The following L2HGDH variants were observed in gnomAD, a reference collection of about 807,000 sequenced individuals.
L2HGDH encodes the protein L-2-hydroxyglutarate dehydrogenase, mitochondrial.
In L2HGDH, 34 loss-of-function variants were observed where a neutral mutation model predicts 51.5. The observed-to-expected ratio is 0.66, with a 90% CI of 0.50 to 0.88. The LOEUF (loss-of-function observed/expected upper bound fraction) is 0.88, where lower values mean the gene tolerates loss of function less well. L2HGDH is among the 40% of genes least tolerant of loss of function. The pLI is 0.00. For synonymous variants in L2HGDH, 198 were observed against 197.9 expected, an observed-to-expected ratio of 1.00 and a Z score of -0.01; for missense variants, 558 against 571.9, an observed-to-expected ratio of 0.98 and a Z score of 0.25.
chr14:50,245,024 C>G lies in L2HGDH; in HGVS notation c.*2034G>C. 18 of 985,576 alleles carry G rather than the reference C, an allele frequency of 1.8e-5. No homozygotes were observed. Among genetic ancestry groups the G allele is most frequent in the Non-Finnish European group, 2.0e-5 (17 of 829,814 alleles). 61.1% of individuals were successfully genotyped at this position (985,576 alleles called of 1,614,324 possible). A position where few individuals can be genotyped will look rare whatever the true frequency, so the allele number is the denominator to read the frequency against. On this transcript the variant is annotated 3_prime_UTR_variant, in exon 10 of 10. Transcript: ENST00000267436. ...ATTATAAGAATAATTTCGATAGATA[C>G]CACAAAACACATATATACAGGATAT...
intron 2 of L2HGDH, among the ~76,000 whole-genome samples, chr14:50,302,417 G>A (rs957847949): frequency 1.3e-5 from 2 of 152,150 alleles, no homozygotes; most frequent in African/African-American, 4.8e-5. Flanking sequence ...AACCACTTCA[G>A]GGGCCCCCTA....
At chr14:50,300,679 G>A (rs1258277537) in intron 3 of L2HGDH, among the ~76,000 whole-genome samples, 3 of 151,982 alleles carry the variant, frequency 2.0e-5, no homozygotes, top group Non-Finnish European at 4.4e-5. Flanking sequence ...ATAATTTTAG[G>A]CCAGGCACAG....
Position 50,247,377 on chromosome 14 carries a change from A to G in L2HGDH, c.1197-124T>C, listed in dbSNP as rs1888069787. The G allele has an allele frequency of 5.5e-6, 8 of 1,459,182 alleles. No individual in the cohort carries two copies. The East Asian group carries it at 1.5e-4, about 27-fold the overall frequency. 90.4% of individuals were successfully genotyped at this position (1,459,182 alleles called of 1,614,324 possible). A position where few individuals can be genotyped will look rare whatever the true frequency, so the allele number is the denominator to read the frequency against. On this transcript the variant is annotated intron_variant, in intron 9 of 9. Transcript: ENST00000267436. ...AAATGCACAATTATATGGAAACCCA[A>G]TGAGTTTATGTTTAACCAAAGGCTG...
At chr14:50,302,502 C>A (rs370476709) in intron 2 of L2HGDH, among the ~76,000 whole-genome samples, 10 of 152,124 alleles carry the variant, frequency 6.6e-5, no homozygotes, top group African/African-American at 2.4e-4. Context: ...ACATCACTAG[C>A]GGCAATCCTC....
chr14:50,298,707 G>A (rs535080812), intron 3 of L2HGDH, among the ~76,000 whole-genome samples: 4 of 152,118 alleles, frequency 2.6e-5, no homozygotes, highest in African/African-American at 9.6e-5. Context: ...AAACAAACAA[G>A]CAAACAAAAC....
At chr14:50,290,331 G>A (rs982961311) in intron 4 of L2HGDH, among the ~76,000 whole-genome samples, 3 of 152,104 alleles carry the variant, frequency 2.0e-5, no homozygotes, top group Non-Finnish European at 4.4e-5. Context: ...ATTGGAATCA[G>A]ATAATTCAAA....
rs1299580738 is a variant in L2HGDH at position 50,296,829 on chromosome 14, T to C, written c.409-2583A>G. Among the ~76,000 whole-genome samples, 3 of 152,068 alleles carry C rather than the reference T, an allele frequency of 2.0e-5. No homozygotes were observed. The East Asian group carries it at 5.8e-4, about 29-fold the overall frequency. Reference sequence around the variant, plus strand: ...ACCAAAACCAGATATCGTAAGAAATTGCAAACCAATATCCCTTAAAAATAT... The same window carrying C: ...ACCAAAACCAGATATCGTAAGAAATCGCAAACCAATATCCCTTAAAAATAT... On this transcript the variant is annotated intron_variant, in intron 3 of 9. Transcript: ENST00000267436.
chr14:50,290,053 C>G (rs1253831579), intron 4 of L2HGDH, among the ~76,000 whole-genome samples: 3 of 152,078 alleles, frequency 2.0e-5, no homozygotes, highest in Admixed American at 1.3e-4. Context: ...ATCACGAGGT[C>G]AGGAGATCAA....
chr14:50,298,179 G>C (rs1354053754), intron 3 of L2HGDH, among the ~76,000 whole-genome samples: 1 of 151,630 alleles, frequency 6.6e-6, no homozygotes, highest in African/African-American at 2.4e-5. Context: ...AGGAGGTGGA[G>C]GTTGCAGTGA....
At chr14:50,254,586 T>G (rs1888552134) in intron 9 of L2HGDH, among the ~76,000 whole-genome samples, 1 of 152,068 alleles carries the variant, frequency 6.6e-6, no homozygotes, top group Non-Finnish European at 1.5e-5. Flanking sequence ...GTCAGTACAT[T>G]CCCTTTGCTC....
chr14:50,247,448 A>C (rs1264789027), intron 9 of L2HGDH, among the ~76,000 whole-genome samples, 195 bp from the exon 10 acceptor site: 2 of 152,242 alleles, frequency 1.3e-5, no homozygotes, highest in African/African-American at 4.8e-5. Flanking sequence ...AGAGCCTAAA[A>C]CCTATTACGT....
chr14:50,269,768 T>C (rs539897575), intron 6 of L2HGDH, among the ~76,000 whole-genome samples: 5 of 152,208 alleles, frequency 3.3e-5, no homozygotes, highest in African/African-American at 1.2e-4. Flanking sequence ...TTTGGATTAA[T>C]TAAAAATTCA....
At chr14:50,303,488 T>A (rs1489944298) in intron 1 of L2HGDH, among the ~76,000 whole-genome samples, 1 of 148,576 alleles carries the variant, frequency 6.7e-6, no homozygotes, top group African/African-American at 2.5e-5. Flanking sequence ...AAAGTTATAC[T>A]AATCAAGCCT....
At chr14:50,267,620 G>T in intron 8 of L2HGDH, 133 bp downstream of exon 8, 1 of 701,126 alleles carries the variant, frequency 1.4e-6, no homozygotes, top group Non-Finnish European at 2.4e-6. Flanking sequence ...TTTTAATTTG[G>T]ATTAATACAA....
intron 9 of L2HGDH, among the ~76,000 whole-genome samples, chr14:50,261,437 TAG>T (rs1262931958): frequency 6.6e-6 from 1 of 152,224 alleles, no homozygotes; most frequent in Non-Finnish European, 1.5e-5. Flanking sequence ...AAACTGCTGT[TAG>T]ATTAACATGT....
intron 4 of L2HGDH, among the ~76,000 whole-genome samples, chr14:50,289,797 A>C (rs111717823): frequency 3.3e-5 from 5 of 152,328 alleles, no homozygotes; most frequent in African/African-American, 1.2e-4. Flanking sequence ...GAGGATTAGA[A>C]AGATTATAAC....
At chr14:50,298,616 G>C (rs968238159) in intron 3 of L2HGDH, among the ~76,000 whole-genome samples, 18 of 152,154 alleles carry the variant, frequency 1.2e-4, no homozygotes, top group African/African-American at 4.1e-4. Context: ...GCCCGGCCGG[G>C]AGGTCAAGGC....
At chr14:50,274,952 G>C (rs1370980692) in intron 6 of L2HGDH, among the ~76,000 whole-genome samples, 15 of 125,544 alleles carry the variant, frequency 1.2e-4, no homozygotes. Context: ...TACAATGATG[G>C]TTGCTACAGA....
intron 1 of L2HGDH, 68 bp from the exon 2 acceptor site, chr14:50,303,085 A>C (rs1211498599): frequency 4.3e-6 from 4 of 921,108 alleles, no homozygotes; most frequent in Non-Finnish European, 7.2e-6. Flanking sequence ...TCACATGCAT[A>C]ATTTTCATCA....
Sources: gnomAD v4.1 joint callset for allele counts (sites outside exome capture counted in the v4.1 genomes callset) on GRCh38, gnomAD v4.1.1 for gene constraint, MANE v1.5 for transcripts, NCBI Gene and HGNC (gene_info 2026-07-23, HGNC 2026-07-21) for gene names.